FBXL7: variants seen among roughly 807,000 people sequenced by gnomAD.
FBXL7 encodes F-box/LRR-repeat protein 7.
A neutral mutation model predicts 38.3 loss-of-function variants in FBXL7; 12 were observed. The ratio of observed to expected loss-of-function variants is 0.31; its 90% CI spans 0.20 to 0.51. The LOEUF (loss-of-function observed/expected upper bound fraction) is 0.51. Among genes scored for constraint, FBXL7 ranks in the 20% least tolerant of loss-of-function variants. FBXL7 has a pLI of 0.98. For synonymous variants in FBXL7, 297 were observed against 300.9 expected, an observed-to-expected ratio of 0.99 and a Z score of 0.13; for missense variants, 567 against 676.4, an observed-to-expected ratio of 0.84 and a Z score of 1.79.
intron 2 of FBXL7, among the ~76,000 whole-genome samples, chr5:15,814,507 A>G (rs970209061): frequency 5.3e-5 from 8 of 152,090 alleles, no homozygotes; most frequent in Admixed American, 5.2e-4. Flanking sequence ...GCAAACCACC[A>G]TGGCACATGT....
chr5:15,682,561 T>A (rs1742874660), intron 2 of FBXL7, among the ~76,000 whole-genome samples: 1 of 152,228 alleles, frequency 6.6e-6, no homozygotes, highest in Non-Finnish European at 1.5e-5. Flanking sequence ...TTTCTTTATT[T>A]CAGCTTTTAA....
chr5:15,756,626 TG>T (rs1293989719), intron 2 of FBXL7, among the ~76,000 whole-genome samples: 1 of 152,208 alleles, frequency 6.6e-6, no homozygotes, highest in Non-Finnish European at 1.5e-5. Context: ...TTAGCTGTGC[TG>T]TTCTTAACCA....
intron 2 of FBXL7, among the ~76,000 whole-genome samples, chr5:15,754,557 T>C (rs1736241422): frequency 6.6e-6 from 1 of 152,216 alleles, no homozygotes; most frequent in Non-Finnish European, 1.5e-5. Flanking sequence ...TTTTGATTGA[T>C]TTCACAAGTT....
At chr5:15,932,550 A>G (rs1050565586) in intron 3 of FBXL7, among the ~76,000 whole-genome samples, 2 of 152,178 alleles carry the variant, frequency 1.3e-5, no homozygotes, top group Non-Finnish European at 2.9e-5. Context: ...CTAGATGTCA[A>G]AGCAGTCCCC....
intron 2 of FBXL7, among the ~76,000 whole-genome samples, chr5:15,865,487 T>G (rs890413867): frequency 1.3e-5 from 2 of 152,178 alleles, no homozygotes; most frequent in Admixed American, 6.5e-5. Context: ...AACTTAGACT[T>G]AATTCCTGCA....
intron 1 of FBXL7, among the ~76,000 whole-genome samples, chr5:15,529,171 T>A (rs1384567778): frequency 1.3e-5 from 2 of 152,200 alleles, no homozygotes; most frequent in Non-Finnish European, 2.9e-5. Flanking sequence ...TCATGCAATA[T>A]TTGTCTTTAT....
At chr5:15,862,585 G>C (rs1739523606) in intron 2 of FBXL7, among the ~76,000 whole-genome samples, 2 of 152,198 alleles carry the variant, frequency 1.3e-5, no homozygotes, top group Non-Finnish European at 2.9e-5. Context: ...GAGTACCTGA[G>C]GTTCACAGCT....
At chr5:15,775,492 C>T (rs756645566) in intron 2 of FBXL7, among the ~76,000 whole-genome samples, 5 of 152,044 alleles carry the variant, frequency 3.3e-5, no homozygotes, top group Non-Finnish European at 7.4e-5. Flanking sequence ...CCATGAAACA[C>T]AGACCATACT....
intron 2 of FBXL7, among the ~76,000 whole-genome samples, chr5:15,694,844 A>G (rs1005540494): frequency 1.3e-5 from 2 of 152,240 alleles, no homozygotes; most frequent in African/African-American, 4.8e-5. Flanking sequence ...CTTTGCAACC[A>G]TAAATGGTAA....
At chr5:15,792,494 T>C (rs926118126) in intron 2 of FBXL7, among the ~76,000 whole-genome samples, 2 of 152,140 alleles carry the variant, frequency 1.3e-5, no homozygotes, top group Admixed American at 6.5e-5. Context: ...TTTGTATTAA[T>C]TCATGTGGGG....
chr5:15,726,238 C>T (rs2126657816), intron 2 of FBXL7, among the ~76,000 whole-genome samples: 1 of 152,258 alleles, frequency 6.6e-6, no homozygotes, highest in East Asian at 1.9e-4. Context: ...CACTTTCAAT[C>T]TGTTTATATT....
intron 2 of FBXL7, among the ~76,000 whole-genome samples, chr5:15,634,145 C>T (rs1322599513): frequency 6.6e-5 from 10 of 151,886 alleles, no homozygotes; most frequent in Non-Finnish European, 1.0e-4. Flanking sequence ...TTCTTTAACG[C>T]ATGCTAACAA....
At position 15,618,417 on chromosome 5, in the gene FBXL7, GT is replaced by G. The variant is rs112705586; in HGVS notation, c.127+2352del. On this transcript the variant is annotated intron_variant, in intron 2 of 3. Coordinates refer to ENST00000504595, the MANE Select transcript of FBXL7 (RefSeq NM_012304.5). Reference sequence around the variant, plus strand: ...GTGTGTCTGAATCCTTTTTGCTGTAGTTTTTTTAATCAATTAAAACAAAATA... The same window carrying G: ...GTGTGTCTGAATCCTTTTTGCTGTAGTTTTTTAATCAATTAAAACAAAATA... 9.2e-5 allele frequency among the ~76,000 whole-genome samples: 14 copies of G among 152,204 alleles called. 1 individual carries two copies. The Middle Eastern group carries it at 0.014, about 148-fold the overall frequency.
chr5:15,824,220 C>T (rs1265473636), intron 2 of FBXL7, among the ~76,000 whole-genome samples: 6 of 149,414 alleles, frequency 4.0e-5, no homozygotes, highest in East Asian at 2.0e-4. Flanking sequence ...TGCTTGAACC[C>T]GGGAGGAGGA....
rs145703127 is a variant in FBXL7 at position 15,878,096 on chromosome 5, G to A, written c.128-49794G>A. Among the ~76,000 whole-genome samples the A allele has an allele frequency of 1.6e-3, 239 of 152,306 alleles. 6 individuals carry two copies. The East Asian group carries it at 0.039, about 25-fold the overall frequency. On this transcript the variant is annotated intron_variant, in intron 2 of 3. Coordinates refer to ENST00000504595, the MANE Select transcript of FBXL7 (RefSeq NM_012304.5). ...CAAAGTGCTGCACTATGAGGACAAC[G>A]TGAGTGTGAAAAGGCTATGTAAATC...
intron 1 of FBXL7, among the ~76,000 whole-genome samples, chr5:15,544,569 C>G (rs1364229068): frequency 6.6e-6 from 1 of 152,162 alleles, no homozygotes; most frequent in Non-Finnish European, 1.5e-5. Context: ...CACACACACA[C>G]ACACATCCCC....
chr5:15,929,611 G>A (rs372382543), intron 3 of FBXL7, among the ~76,000 whole-genome samples: 353 of 144,556 alleles, frequency 2.4e-3, no homozygotes, highest in Middle Eastern at 0.011. Flanking sequence ...AGGACAGAGT[G>A]AGACCCTGTC....
intron 2 of FBXL7, among the ~76,000 whole-genome samples, chr5:15,740,361 A>G (rs1735864402): frequency 6.6e-6 from 1 of 152,156 alleles, no homozygotes; most frequent in African/African-American, 2.4e-5. Flanking sequence ...TCACTTTGAC[A>G]TACCTGGCCT....
intron 2 of FBXL7, among the ~76,000 whole-genome samples, chr5:15,926,390 G>A (rs1741877479): frequency 6.8e-6 from 1 of 147,058 alleles, no homozygotes; most frequent in Non-Finnish European, 1.5e-5. Flanking sequence ...TGTATATTAT[G>A]TAGATACAAA....
Sources: allele counts gnomAD v4.1 joint callset (sites outside exome capture counted in the v4.1 genomes callset), GRCh38; gene constraint gnomAD v4.1.1; transcripts MANE v1.5; gene names NCBI Gene and HGNC (gene_info 2026-07-23, HGNC 2026-07-21).